CLDN16: variants seen among roughly 807,000 people sequenced by gnomAD.
The protein encoded by CLDN16 is claudin 16.
A neutral mutation model predicts 24.6 loss-of-function variants in CLDN16; 13 were observed. The ratio of observed to expected loss-of-function variants is 0.53; its 90% CI spans 0.34 to 0.84. The LOEUF is 0.84. Ranked by LOEUF, CLDN16 falls within the 40% of genes least tolerant of loss-of-function variation. The pLI is 0.01. For synonymous variants in CLDN16, 116 were observed against 106.7 expected (o/e 1.09, Z -0.54); for missense variants, 298 against 292.7 (o/e 1.02, Z -0.13).
At chr3:190,396,206 C>T (rs552178477) in intron 1 of CLDN16, among the ~76,000 whole-genome samples, 1 of 152,132 alleles carries the variant, frequency 6.6e-6, no homozygotes, top group Non-Finnish European at 1.5e-5. Context: ...GAAGAGTCAT[C>T]ATCTCTATGG....
chr3:190,367,004 AC>A (rs1718038983), intron 1 of CLDN16, among the ~76,000 whole-genome samples: 1 of 152,020 alleles, frequency 6.6e-6, no homozygotes, highest in African/African-American at 2.4e-5. Flanking sequence ...TGTTCAAAGA[AC>A]AAGATACATA....
At chr3:190,311,486 C>T in the CLDN16 span, among the ~76,000 whole-genome samples, 56 of 152,166 alleles carry the variant, frequency 3.7e-4, no homozygotes, top group South Asian at 2.1e-3. Flanking sequence ...GTTAAACTGA[C>T]ATATTATACT....
At chr3:190,393,003 C>A (rs1423779561) in intron 1 of CLDN16, among the ~76,000 whole-genome samples, 1 of 151,892 alleles carries the variant, frequency 6.6e-6, no homozygotes, top group Admixed American at 6.6e-5. Context: ...TTGTTATAGA[C>A]CAGAAGGGAG....
chr3:190,298,348 TACAC>T, the CLDN16 span, among the ~76,000 whole-genome samples: 600 of 147,938 alleles, frequency 4.1e-3, 1 homozygote, highest in African/African-American at 7.7e-3. Flanking sequence ...ATGTATATTA[TACAC>T]ACACACACAC....
upstream of CLDN16, among the ~76,000 whole-genome samples, chr3:190,320,409 T>A (rs896691401): frequency 6.6e-6 from 1 of 152,162 alleles, no homozygotes; most frequent in African/African-American, 2.4e-5. Context: ...TATCTTTCCA[T>A]GGAGAAATTC....
chr3:190,360,584 A>C (rs1717867479), intron 1 of CLDN16, among the ~76,000 whole-genome samples: 1 of 151,994 alleles, frequency 6.6e-6, no homozygotes, highest in Non-Finnish European at 1.5e-5. Flanking sequence ...ATATTCCATT[A>C]CATTATTAAT....
chr3:190,308,339 A>G, the CLDN16 span: 1 of 1,613,756 alleles, frequency 6.2e-7, no homozygotes, highest in African/African-American at 1.3e-5. Context: ...GTTGGGTAAG[A>G]GGTTGTTTTT....
chr3:190,361,509 G>A (rs527425203), intron 1 of CLDN16, among the ~76,000 whole-genome samples: 2 of 151,860 alleles, frequency 1.3e-5, no homozygotes, highest in East Asian at 1.9e-4. Flanking sequence ...GGCACCAGTC[G>A]GCCTTCGTAG....
chr3:190,366,994 T>G (rs1718038767), intron 1 of CLDN16, among the ~76,000 whole-genome samples: 1 of 151,926 alleles, frequency 6.6e-6, no homozygotes, highest in African/African-American at 2.4e-5. Flanking sequence ...CATGTGGGAG[T>G]GTTCAAAGAA....
intron 1 of CLDN16, among the ~76,000 whole-genome samples, chr3:190,390,269 G>A (rs771309134): frequency 2.0e-5 from 3 of 151,414 alleles, no homozygotes; most frequent in Non-Finnish European, 4.4e-5. Flanking sequence ...GGGCATGGTG[G>A]CTTATGCCTG....
At chr3:190,365,814 G>A (rs977126848) in intron 1 of CLDN16, among the ~76,000 whole-genome samples, 4 of 151,502 alleles carry the variant, frequency 2.6e-5, no homozygotes, top group African/African-American at 4.8e-5. Context: ...TCCCCTAGCC[G>A]ACCCAGTTCT....
In CLDN16 at chr3:190,334,169, G is replaced by T. The variant is rs115107960; in HGVS notation, n.121+11508G>T. On this transcript the variant is annotated intron_variant and non_coding_transcript_variant, in intron 1 of 4. Coordinates refer to the CLDN16 transcript ENST00000468220. ...TAAAAATCTATTTGAGAAATAACTT[G>T]TAGCAAACTGGAGTACAGAGTGATT... Among the ~76,000 whole-genome samples, 423 of 152,272 alleles carry T rather than the reference G, an allele frequency of 2.8e-3. 2 individuals are homozygous for T. The highest frequency in any genetic ancestry group is 9.9e-3 in the African/African-American group (410 of 41,542).
the CLDN16 span, among the ~76,000 whole-genome samples, chr3:190,309,544 G>A: frequency 2.6e-5 from 4 of 152,332 alleles, no homozygotes; most frequent in South Asian, 8.3e-4. Flanking sequence ...GAGATGAAGA[G>A]CCTCGTCTCT....
In CLDN16 at chr3:190,329,228, A is replaced by G. The variant is rs754305903; in HGVS notation, n.121+6567A>G. ...GTTTGAACTATGTCAAAGGCGGGAC[A>G]TTGCAGATAGAGAGATGAGTGCACC... On this transcript the variant is annotated intron_variant and non_coding_transcript_variant, in intron 1 of 4. Coordinates refer to the CLDN16 transcript ENST00000468220. Among the ~76,000 whole-genome samples the G allele has an allele frequency of 1.4e-4, 22 of 152,324 alleles. No homozygotes were observed. The South Asian group carries it at 1.4e-3, about 10-fold the overall frequency.
At chr3:190,331,589 G>C (rs1377222660) in intron 1 of CLDN16, among the ~76,000 whole-genome samples, 8 of 152,124 alleles carry the variant, frequency 5.3e-5, no homozygotes, top group Admixed American at 5.2e-4. Context: ...TGCAGATATA[G>C]AGCATTCTGC....
upstream of CLDN16, among the ~76,000 whole-genome samples, chr3:190,319,763 T>C (rs994334340): frequency 2.6e-5 from 4 of 152,150 alleles, no homozygotes; most frequent in African/African-American, 9.7e-5. Flanking sequence ...CCTTTTCATC[T>C]CTACATGTAA....
intron 1 of CLDN16, among the ~76,000 whole-genome samples, chr3:190,338,159 T>C (rs79290582): frequency 0.07 from 10,721 of 152,072 alleles, 562 homozygotes; most frequent in African/African-American, 0.14. Context: ...GACTAGGAGA[T>C]GTTGTATTGC....
At chr3:190,388,490 T>A (rs1349992511) in intron 1 of CLDN16, 47 bp downstream of exon 1, 1 of 1,553,898 alleles carries the variant, frequency 6.4e-7, no homozygotes, top group Admixed American at 1.7e-5. Context: ...AGCCCAAATT[T>A]TCGCTAAGTC....
the CLDN16 span, among the ~76,000 whole-genome samples, chr3:190,314,130 T>A: frequency 1.3e-5 from 2 of 152,330 alleles, no homozygotes; most frequent in East Asian, 3.9e-4. Context: ...TTCAATTATA[T>A]AAGTAAAATG....
Sources: allele counts gnomAD v4.1 joint callset (sites outside exome capture counted in the v4.1 genomes callset), GRCh38; gene constraint gnomAD v4.1.1; transcripts MANE v1.5; gene names NCBI Gene and HGNC (gene_info 2026-07-23, HGNC 2026-07-21).